CTAGE1: variants seen among roughly 807,000 people sequenced by gnomAD.
CTAGE1 encodes cutaneous T cell lymphoma-associated antigen 1, also known as cTAGE family member 2.
For synonymous variants in CTAGE1, 332 were observed against 302.8 expected, an observed-to-expected ratio of 1.10 and a Z score of -1.00; for missense variants, 963 against 855.9, an observed-to-expected ratio of 1.13 and a Z score of -1.56.
At position 22,415,841 on chromosome 18, in the gene CTAGE1, G is replaced by C; in HGVS notation, c.1971C>G (p.Gly657=). Residue 657 remains glycine (G), a synonymous_variant, in exon 1 of 1, where the codon GGC becomes GGG. Transcript: ENST00000391403. ...CAAGAGGTGGAGGAACAAAGCCAGG[G>C]CCAGTTGCTTCATTTTCAGCGGGGA... The part of the protein sequence containing the change: ...SSLPAENEAT[G]PGFVPPPLAP... The C allele has an allele frequency of 6.2e-7, 1 of 1,613,926 alleles. No individual in the cohort carries two copies. Among genetic ancestry groups the C allele is most frequent in the Non-Finnish European group, 8.5e-7 (1 of 1,179,856 alleles).
rs1193403220 is a variant in CTAGE1, at chr18:22,415,647, A to G, written c.2165T>C (p.Val722Ala). ...AGGAAGAAAACCTCTCGGTAAATAG[A>G]CATTTCTCATTGCAAATGGAGCACG... The part of the protein sequence containing the change: ...PPRAPFAMRN[V>A]YLPRGFLPYR... Residue 722 changes from valine to alanine, a missense_variant, in exon 1 of 1, where the codon GTC (valine) becomes GCC (alanine). Transcript: ENST00000391403. 1.2e-6 allele frequency: 2 copies of G among 1,613,978 alleles called. No individual in the cohort carries two copies. The highest frequency in any genetic ancestry group is 1.3e-5 in the African/African-American group (1 of 74,898).
chr18:22,415,303 A>G lies in CTAGE1; in HGVS notation c.*271T>C, dbSNP rs3813128. 28 of 389,164 alleles carry G rather than the reference A, an allele frequency of 7.2e-5. No homozygotes were observed. The East Asian group carries it at 1.3e-3, about 17-fold the overall frequency. 24.1% of individuals were successfully genotyped at this position (389,164 alleles called of 1,614,324 possible). A position where few individuals can be genotyped will look rare whatever the true frequency, so the allele number is the denominator to read the frequency against. On this transcript the variant is annotated 3_prime_UTR_variant, in exon 1 of 1. Transcript: ENST00000391403. ...TTAAAAGTTATACTATCTAGAATAA[A>G]ATAAAATGAAATAATTTACTCATAA...
Position 22,415,996 on chromosome 18 carries a change from G to A in CTAGE1, c.1816C>T (p.Pro606Ser), listed in dbSNP as rs201593910. The change falls in exon 1 of 1, where the codon CCA becomes TCA. Residue 606 changes from proline (P) to serine (S), a missense_variant. Coordinates refer to ENST00000391403, the MANE Select transcript of CTAGE1 (RefSeq NM_172241.3). ...FYSNCARLSG[P>S]AELRSFNMPS... ...ATATTAAAACTTCTGAGTTCTGCTG[G>A]TCCAGAGAGTCTAGCACAATTAGAA... The A allele has an allele frequency of 3.1e-6, 5 of 1,613,904 alleles. No individual in the cohort carries two copies. The highest frequency in any genetic ancestry group is 3.3e-5 in the Admixed American group (2 of 60,014).
chr18:22,415,151 C>G lies in CTAGE1; in HGVS notation c.*423G>C, dbSNP rs2034994879. The G allele has an allele frequency of 4.6e-6, 1 of 216,180 alleles. No homozygotes were observed. The highest frequency in any genetic ancestry group is 2.3e-5 in the African/African-American group (1 of 43,876). 13.4% of individuals were successfully genotyped at this position (216,180 alleles called of 1,614,324 possible). The stretch of plus-strand genomic sequence containing the variant: ...TAAAACTTATTTAAGCATAAAGTTA[C>G]TTTCACATTTGTCTACAACCACAGT... On this transcript the variant is annotated 3_prime_UTR_variant, in exon 1 of 1. Transcript: ENST00000391403.
chr18:22,416,039 T>C lies in CTAGE1; in HGVS notation c.1773A>G (p.Gln591=). The change falls in exon 1 of 1, where the codon CAA becomes CAG. Residue 591 remains glutamine, a synonymous_variant. Coordinates refer to ENST00000391403, the MANE Select transcript of CTAGE1 (RefSeq NM_172241.3). ...AATTAGAATAAAATCTGTCTTGCCT[T>C]TGTGGAGGGAGAGCTGAATCAGGAT... ...QSYPDSALPP[Q]RQDRFYSNCA... The C allele has an allele frequency of 6.2e-7, 1 of 1,613,996 alleles. No individual in the cohort carries two copies. Among genetic ancestry groups the C allele is most frequent in the Non-Finnish European group, 8.5e-7 (1 of 1,179,860 alleles).
chr18:22,413,979 G>C lies in CTAGE1; in HGVS notation c.*1595C>G, dbSNP rs1415295317. The C allele has an allele frequency of 6.6e-6, 1 of 152,144 alleles. No homozygotes were observed. Among genetic ancestry groups the C allele is most frequent in the Non-Finnish European group, 1.5e-5 (1 of 68,036 alleles). 9.4% of individuals were successfully genotyped at this position (152,144 alleles called of 1,614,324 possible). A position where few individuals can be genotyped will look rare whatever the true frequency, so the allele number is the denominator to read the frequency against. On this transcript the variant is annotated 3_prime_UTR_variant, in exon 1 of 1. Coordinates refer to ENST00000391403, the MANE Select transcript of CTAGE1 (RefSeq NM_172241.3). ...AAAATTCCTCTAGAAAGAGTTCTGTGGATATGATACATAGACAGAAATCCA... is the reference window on the plus strand; with the variant it reads ...AAAATTCCTCTAGAAAGAGTTCTGTCGATATGATACATAGACAGAAATCCA...
In CTAGE1 at chr18:22,416,973, T is replaced by A. The variant is rs1190176570; in HGVS notation, c.839A>T (p.Lys280Ile). The A allele has an allele frequency of 6.2e-7, 1 of 1,613,930 alleles. No individual in the cohort carries two copies. Among genetic ancestry groups the A allele is most frequent in the African/African-American group, 1.3e-5 (1 of 74,924 alleles). ...ATGAATCAGTTTCTTCAAAGCTCCT[T>A]TTGGAGGATTATCTAAGTAAGCACC... ...EDGAYLDNPPKGALKKLIHAA... is the reference protein window; with the variant it reads ...EDGAYLDNPPIGALKKLIHAA... The change falls in exon 1 of 1, where the codon AAA becomes ATA. Residue 280 changes from lysine (K) to isoleucine (I), a missense_variant. Physicochemically the swap from Lys to Ile is moderately radical, Grantham distance 102 (BLOSUM62 -3). Coordinates refer to ENST00000391403, the MANE Select transcript of CTAGE1 (RefSeq NM_172241.3).
chr18:22,414,964 C>T lies in CTAGE1; in HGVS notation c.*610G>A, dbSNP rs1598489598. ...TACTTTCTGCTATAAATGTTTTACA[C>T]TCTCAAAGTACTGAAAGAGGATATA... is the stretch of plus-strand genomic sequence containing the variant. On this transcript the variant is annotated 3_prime_UTR_variant, in exon 1 of 1. Coordinates refer to ENST00000391403, the MANE Select transcript of CTAGE1 (RefSeq NM_172241.3). The T allele has an allele frequency of 6.6e-6, 4 of 609,874 alleles. No homozygotes were observed. Among genetic ancestry groups the T allele is most frequent in the Non-Finnish European group, 5.8e-6 (2 of 346,298 alleles). The allele number at this position is 609,874 out of a possible 1,614,324, so 37.8% of individuals were successfully genotyped here.
chr18:22,416,756 A>G lies in CTAGE1; in HGVS notation c.1056T>C (p.Leu352=), dbSNP rs749922811. The G allele has an allele frequency of 1.2e-6, 2 of 1,612,504 alleles. No individual in the cohort carries two copies. Among genetic ancestry groups the G allele is most frequent in the Non-Finnish European group, 1.7e-6 (2 of 1,179,656 alleles). The part of the protein sequence containing the change: ...ESENQKLQQK[L]KVMTELYQEN... ...CTTGATATAATTCAGTCATTACTTT[A>G]AGTTTCTGCTGAAGCTTCTGATTCT... The change falls in exon 1 of 1, where the codon CTT becomes CTC. Residue 352 remains leucine, a synonymous_variant. Coordinates refer to ENST00000391403, the MANE Select transcript of CTAGE1 (RefSeq NM_172241.3).
rs112544817 is a variant in CTAGE1, at chr18:22,415,783, T to C, written c.2029A>G (p.Thr677Ala). 8.7e-6 allele frequency: 14 copies of C among 1,613,958 alleles called. No homozygotes were observed. Among genetic ancestry groups the C allele is most frequent in the African/African-American group, 4.0e-5 (3 of 75,044 alleles). Residue 677 changes from threonine to alanine, a missense_variant, in exon 1 of 1, where the codon ACA becomes GCA. Thr to Ala is a moderately conservative substitution (Grantham distance 58, BLOSUM62 0). Transcript: ENST00000391403. ...PIRGLLFPVDTRGPFIRRGPP... is the reference protein window; with the variant it reads ...PIRGLLFPVDARGPFIRRGPP... ...CCTCTTCTTATGAACGGGCCCCTTG[T>C]ATCTACTGGAAACAATAAACCTCTG... is the stretch of plus-strand genomic sequence containing the variant.
chr18:22,417,525 CTT>C lies in CTAGE1; in HGVS notation c.285_286del (p.Ser96PhefsTer14). The stretch of plus-strand genomic sequence containing the variant: ...CAGCTTTTCGCAGGTTGCCTCCAAA[CTT>C]TGTGCTTCTGTTGCCTCCTTCTCAA... On this transcript the variant is annotated frameshift_variant, in exon 1 of 1. Coordinates refer to ENST00000391403, the MANE Select transcript of CTAGE1 (RefSeq NM_172241.3). LOFTEE classifies it low-confidence loss of function (END_TRUNC). 1 of 1,614,006 alleles carries C rather than the reference CTT, an allele frequency of 6.2e-7. No homozygotes were observed. Among genetic ancestry groups the C allele is most frequent in the Non-Finnish European group, 8.5e-7 (1 of 1,179,866 alleles).
Position 22,416,216 on chromosome 18 carries a change from C to A in CTAGE1, c.1596G>T (p.Gly532=). The A allele has an allele frequency of 6.2e-7, 1 of 1,613,914 alleles. No homozygotes were observed. The highest frequency in any genetic ancestry group is 8.5e-7 in the Non-Finnish European group (1 of 1,179,864). The change falls in exon 1 of 1, where the codon GGG becomes GGT. Residue 532 remains glycine, a synonymous_variant. Transcript: ENST00000391403. ...RGGGRGSRGP[G]NPPDHQITKE... ...TGGTAATCTGATGGTCCGGAGGATT[C>A]CCTGGGCCTCTGGAGCCTCTTCCTC...
At position 22,414,734 on chromosome 18, in the gene CTAGE1, G is replaced by A. The variant is rs1349665681; in HGVS notation, c.*840C>T. ...GAGGTAAAGGTTGGGAAAGAAGTCA[G>A]GAGAAACTGATCTATATAATTCTGG... On this transcript the variant is annotated 3_prime_UTR_variant, in exon 1 of 1. Coordinates refer to ENST00000391403, the MANE Select transcript of CTAGE1 (RefSeq NM_172241.3). 1 of 703,002 alleles carries A rather than the reference G, an allele frequency of 1.4e-6. No homozygotes were observed. Among genetic ancestry groups the A allele is most frequent in the East Asian group, 2.7e-5 (1 of 37,276 alleles). 43.5% of individuals were successfully genotyped at this position (703,002 alleles called of 1,614,324 possible).
In CTAGE1 at chr18:22,417,247, G is replaced by A; in HGVS notation, c.565C>T (p.Gln189Ter). 1 of 1,613,892 alleles carries A rather than the reference G, an allele frequency of 6.2e-7. No homozygotes were observed. The highest frequency in any genetic ancestry group is 8.5e-7 in the Non-Finnish European group (1 of 1,179,840). The stretch of plus-strand genomic sequence containing the variant: ...TGCAAAAGCTGTTTCTGGCTTTCCT[G>A]AAGTTCAGAATTTTCTTTCCAAGCA... ...QDAWKENSEL[Q>*]ESQKQLLQEA... The change falls in exon 1 of 1, where the codon CAG becomes TAG. Residue 189 changes from glutamine to a stop codon, truncating the protein, a stop_gained. Coordinates refer to ENST00000391403, the MANE Select transcript of CTAGE1 (RefSeq NM_172241.3). LOFTEE classifies it low-confidence loss of function (END_TRUNC).
In CTAGE1 at chr18:22,415,055, G is replaced by A; in HGVS notation, c.*519C>T. On this transcript the variant is annotated 3_prime_UTR_variant, in exon 1 of 1. Transcript: ENST00000391403. ...AGTGAAATATTCTAACAGTTACATA[G>A]TATTCTACCTTCCCACCTGTGCATA... 2.3e-6 allele frequency: 1 copy of A among 435,402 alleles called. No individual in the cohort carries two copies. Among genetic ancestry groups the A allele is most frequent in the South Asian group, 4.8e-5 (1 of 20,620 alleles). 27.0% of individuals were successfully genotyped at this position (435,402 alleles called of 1,614,324 possible).
In CTAGE1 at chr18:22,415,665, G is replaced by A. The variant is rs1215138705; in HGVS notation, c.2147C>T (p.Pro716Leu). 1.2e-6 allele frequency: 2 copies of A among 1,614,158 alleles called. No individual in the cohort carries two copies. The highest frequency in any genetic ancestry group is 4.5e-5 in the East Asian group (2 of 44,878). ...TAAATAGACATTTCTCATTGCAAATGGAGCACGTGGTGGACCTGGGACATC... is the reference window on the plus strand; with the variant it reads ...TAAATAGACATTTCTCATTGCAAATAGAGCACGTGGTGGACCTGGGACATC... ...PRDVPGPPRA[P>L]FAMRNVYLPR... Residue 716 changes from proline (P) to leucine (L), a missense_variant, in exon 1 of 1, where the codon CCA (proline) becomes CTA (leucine). Pro to Leu is a moderately conservative substitution (Grantham distance 98, BLOSUM62 -3). Coordinates refer to ENST00000391403, the MANE Select transcript of CTAGE1 (RefSeq NM_172241.3).
Position 22,415,222 on chromosome 18 carries a change from C to A in CTAGE1, c.*352G>T. On this transcript the variant is annotated 3_prime_UTR_variant, in exon 1 of 1. Coordinates refer to ENST00000391403, the MANE Select transcript of CTAGE1 (RefSeq NM_172241.3). ...AGACAATTTAAAGCCTCCCCACCTG[C>A]AAGATTACATATATAAAGCTCCCAC... 1 of 237,108 alleles carries A rather than the reference C, an allele frequency of 4.2e-6. No homozygotes were observed. The allele number at this position is 237,108 out of a possible 1,614,324, so 14.7% of individuals were successfully genotyped here.
chr18:22,417,803 G>A lies in CTAGE1; in HGVS notation c.9C>T (p.Pro3=), dbSNP rs775442541. The change falls in exon 1 of 1, where the codon CCC becomes CCT. Residue 3 remains proline, a synonymous_variant. Coordinates refer to ENST00000391403, the MANE Select transcript of CTAGE1 (RefSeq NM_172241.3). ...ATGGAAAACCATAAGGATGAGAATC[G>A]GGTCTCATACCTTCAGTCAGTGCTG... is the stretch of plus-strand genomic sequence containing the variant. MR[P]DSHPYGFPWE... is the part of the protein sequence containing the mutation. 1.2e-6 allele frequency: 2 copies of A among 1,613,982 alleles called. No individual in the cohort carries two copies. Among genetic ancestry groups the A allele is most frequent in the Non-Finnish European group, 1.7e-6 (2 of 1,180,014 alleles).
Position 22,416,957 on chromosome 18 carries a change from T to A in CTAGE1, c.855A>T (p.Lys285Asn). The A allele has an allele frequency of 3.7e-6, 6 of 1,614,056 alleles. No homozygotes were observed. Among genetic ancestry groups the A allele is most frequent in the Non-Finnish European group, 5.1e-6 (6 of 1,179,944 alleles). Residue 285 changes from lysine to asparagine, a missense_variant, in exon 1 of 1, where the codon AAA becomes AAT. By Grantham distance (94) the Lys-to-Asn change is moderately conservative. Transcript: ENST00000391403. ...LDNPPKGALK[K>N]LIHAAKLNAS... The stretch of plus-strand genomic sequence containing the variant: ...CATTTAACTTAGCAGCATGAATCAG[T>A]TTCTTCAAAGCTCCTTTTGGAGGAT...
Sources: allele counts gnomAD v4.1 joint callset, GRCh38; gene constraint gnomAD v4.1.1; transcripts MANE v1.5; gene names NCBI Gene and HGNC (gene_info 2026-07-23, HGNC 2026-07-21).